Variants in MBD5 observed in about 807,000 individuals in gnomAD.
The protein encoded by MBD5 is methyl-CpG-binding domain protein 5.
In MBD5, 13 loss-of-function variants were observed where a neutral mutation model predicts 117.3. That is an observed-to-expected ratio of 0.11 (90% CI 0.07 to 0.18). The LOEUF (loss-of-function observed/expected upper bound fraction) is 0.18, where lower values mean the gene tolerates loss of function less well. MBD5 is among the 10% of genes least tolerant of loss of function. The pLI is 1.00. For missense variants in MBD5, 1,879 were observed against 2,093.8 expected (o/e 0.90, Z 2.00); for synonymous variants, 727 against 766.4 (o/e 0.95, Z 0.85).
intron 8 of MBD5, among the ~76,000 whole-genome samples, chr2:148,476,707 C>G (rs1680976096): frequency 6.6e-6 from 1 of 152,114 alleles, no homozygotes; most frequent in Non-Finnish European, 1.5e-5. Flanking sequence ...GTAATTAATT[C>G]AGCAAATATT....
intron 1 of MBD5, among the ~76,000 whole-genome samples, chr2:148,091,337 C>A (rs933236663): frequency 6.6e-6 from 1 of 152,072 alleles, no homozygotes; most frequent in Admixed American, 6.6e-5. Context: ...CAAAAAAGAA[C>A]CCGCATAGCC....
chr2:148,180,338 TTATACA>T (rs960279096), intron 2 of MBD5, among the ~76,000 whole-genome samples: 32 of 13,668 alleles, frequency 2.3e-3, no homozygotes, highest in Non-Finnish European at 5.1e-3. Flanking sequence ...TAAAAAAAAA[TTATACA>T]TATATATATA....
chr2:148,176,467 T>A (rs1026263468), intron 1 of MBD5, among the ~76,000 whole-genome samples: 1 of 151,628 alleles, frequency 6.6e-6, no homozygotes, highest in African/African-American at 2.4e-5. Context: ...TGCAGTGGCA[T>A]AATCTCAGCT....
At chr2:148,336,430 A>T (rs1303381230) in intron 3 of MBD5, among the ~76,000 whole-genome samples, 1 of 152,114 alleles carries the variant, frequency 6.6e-6, no homozygotes, top group Non-Finnish European at 1.5e-5. Flanking sequence ...TCTGTTGCCC[A>T]CACAGGAGTA....
At chr2:148,174,807 C>T (rs560773349) in intron 1 of MBD5, among the ~76,000 whole-genome samples, 61 of 150,554 alleles carry the variant, frequency 4.1e-4, no homozygotes, top group African/African-American at 1.4e-3. Flanking sequence ...CAAAAGATAA[C>T]AAATGTTGAT....
intron 2 of MBD5, among the ~76,000 whole-genome samples, chr2:148,200,817 TC>T (rs563983971): frequency 0.037 from 5,657 of 152,278 alleles, 282 homozygotes; most frequent in African/African-American, 0.11. Flanking sequence ...TGTAAGAACT[TC>T]TAAAGAAGTT....
intron 4 of MBD5, among the ~76,000 whole-genome samples, chr2:148,450,514 C>G (rs188635292): frequency 2.0e-5 from 3 of 152,288 alleles, no homozygotes; most frequent in African/African-American, 7.2e-5. Context: ...TATTTACTTA[C>G]AAGTCTAGGG....
At chr2:148,461,881 A>G (rs1180043828) in intron 5 of MBD5, among the ~76,000 whole-genome samples, 1 of 152,198 alleles carries the variant, frequency 6.6e-6, no homozygotes, top group African/African-American at 2.4e-5. Context: ...ATTAGCCCGA[A>G]GACCTGCGAG....
chr2:148,334,117 G>C (rs1175904258), intron 3 of MBD5, among the ~76,000 whole-genome samples: 1 of 151,764 alleles, frequency 6.6e-6, no homozygotes, highest in African/African-American at 2.4e-5. Flanking sequence ...TTTGTTCATA[G>C]TCTCATCTTT....
intron 1 of MBD5, among the ~76,000 whole-genome samples, chr2:148,084,114 C>T (rs1695718482): frequency 6.6e-6 from 1 of 152,154 alleles, no homozygotes; most frequent in Admixed American, 6.5e-5. Context: ...CGAACTTTCA[C>T]ATGGTAGAAC....
chr2:148,423,023 G>A (rs1705655058), intron 4 of MBD5, among the ~76,000 whole-genome samples: 1 of 152,180 alleles, frequency 6.6e-6, no homozygotes, highest in South Asian at 2.1e-4. Context: ...TATTATCCAG[G>A]AGAACTTCCC....
intron 4 of MBD5, among the ~76,000 whole-genome samples, chr2:148,410,302 A>G (rs1705212015): frequency 6.6e-6 from 1 of 152,190 alleles, no homozygotes; most frequent in Non-Finnish European, 1.5e-5. Context: ...AAGATTAAGC[A>G]TCATTTATTA....
In MBD5 at chr2:148,396,101, C is replaced by T. The variant is rs117371878; in HGVS notation, c.-557+53765C>T. ...TTGCTGTGTTCACATTCTCATCTCT[C>T]ATTAACTTTTTATCCCATTAAAACT... is the stretch of plus-strand genomic sequence containing the variant. On this transcript the variant is annotated intron_variant, in intron 4 of 13. Transcript: ENST00000642680. Among the ~76,000 whole-genome samples, 93 of 152,304 alleles carry T rather than the reference C, an allele frequency of 6.1e-4. 2 individuals are homozygous for T. The East Asian group carries it at 0.016, about 27-fold the overall frequency.
intron 1 of MBD5, among the ~76,000 whole-genome samples, chr2:148,106,057 A>G (rs1696363940): frequency 6.6e-6 from 1 of 151,982 alleles, no homozygotes; most frequent in African/African-American, 2.4e-5. Flanking sequence ...TACATAATCA[A>G]GTTCTGCATA....
At chr2:148,274,236 T>C (rs1701049186) in intron 3 of MBD5, among the ~76,000 whole-genome samples, 1 of 152,088 alleles carries the variant, frequency 6.6e-6, no homozygotes, top group Admixed American at 6.6e-5. Context: ...CAAACCACTT[T>C]TTTTAAATTA....
chr2:148,103,159 T>C (rs886593582), intron 1 of MBD5, among the ~76,000 whole-genome samples: 3 of 152,078 alleles, frequency 2.0e-5, no homozygotes, highest in African/African-American at 7.2e-5. Context: ...TTTATCTGCT[T>C]GTATTATGTT....
chr2:148,073,680 T>A (rs1162301494), intron 1 of MBD5, among the ~76,000 whole-genome samples: 2 of 152,120 alleles, frequency 1.3e-5, no homozygotes, highest in Non-Finnish European at 2.9e-5. Context: ...AATGTCTCAT[T>A]GTATCTACAC....
intron 4 of MBD5, among the ~76,000 whole-genome samples, chr2:148,394,149 T>C (rs1309433447): frequency 2.6e-5 from 4 of 152,172 alleles, no homozygotes. Context: ...CGTGGCTATA[T>C]TGTTTTTTCT....
At chr2:148,303,220 C>T (rs181036142) in intron 3 of MBD5, among the ~76,000 whole-genome samples, 22 of 152,194 alleles carry the variant, frequency 1.4e-4, no homozygotes, top group African/African-American at 5.1e-4. Flanking sequence ...TTTGGTGTTT[C>T]GTTAATTAGT....
Sources: allele counts gnomAD v4.1 joint callset (sites outside exome capture counted in the v4.1 genomes callset), GRCh38; gene constraint gnomAD v4.1.1; transcripts MANE v1.5; gene names NCBI Gene and HGNC (gene_info 2026-07-23, HGNC 2026-07-21).